WWOX: variants seen among roughly 807,000 people sequenced by gnomAD.
WWOX encodes the protein WW domain containing oxidoreductase, also known as WW domain-containing oxidoreductase.
WWOX carries 69 observed loss-of-function variants against 46.2 expected under a neutral mutation model. The ratio of observed to expected loss-of-function variants is 1.49; its 90% CI spans 1.23 to 1.82. WWOX has a LOEUF of 1.82. Among genes scored for constraint, WWOX ranks in the 40% most tolerant of loss-of-function variants. The pLI is 0.00. For missense variants in WWOX, 919 were observed against 542.6 expected, an observed-to-expected ratio of 1.69 and a Z score of -6.89; for synonymous variants, 359 against 202.6, an observed-to-expected ratio of 1.77 and a Z score of -6.56.
In WWOX at chr16:78,932,834, A is replaced by T. The variant is rs184389238; in HGVS notation, c.1057-278774A>T. Among the ~76,000 whole-genome samples, 225 of 152,322 alleles carry T rather than the reference A, an allele frequency of 1.5e-3. 4 individuals are homozygous for T. The highest frequency in any genetic ancestry group is 5.2e-3 in the African/African-American group (217 of 41,588). On this transcript the variant is annotated intron_variant, in intron 8 of 8. Transcript: ENST00000566780. ...GAACAAACAGACAAGGTGAGGAGCA[A>T]GGAGGCATTTGGAGGTCATCTGGCC...
intron 3 of WWOX, among the ~76,000 whole-genome samples, chr16:78,110,801 G>C (rs189375922): frequency 3.9e-5 from 6 of 152,246 alleles, no homozygotes; most frequent in African/African-American, 1.4e-4. Flanking sequence ...GACTTGAGGG[G>C]GTAAGTGACT....
intron 1 of WWOX, chr16:78,100,138 G>C (rs1265385418): frequency 2.3e-6 from 3 of 1,327,930 alleles, no homozygotes; most frequent in Non-Finnish European, 2.9e-6. Flanking sequence ...AGCACTGCGC[G>C]GCGCGGCGAG....
At chr16:79,018,287 G>C (rs1240916128) in intron 8 of WWOX, among the ~76,000 whole-genome samples, 2 of 152,174 alleles carry the variant, frequency 1.3e-5, no homozygotes, top group African/African-American at 4.8e-5. Flanking sequence ...CATTGTAATG[G>C]TGTAAATTAT....
chr16:78,893,225 C>G (rs1276286146), intron 8 of WWOX, among the ~76,000 whole-genome samples: 1 of 151,984 alleles, frequency 6.6e-6, no homozygotes, highest in African/African-American at 2.4e-5. Flanking sequence ...CCCCTCTTGA[C>G]CATCTTATGC....
At chr16:78,757,197 G>A (rs546222081) in intron 8 of WWOX, among the ~76,000 whole-genome samples, 1 of 152,192 alleles carries the variant, frequency 6.6e-6, no homozygotes, top group South Asian at 2.1e-4. Context: ...GTTAATTATT[G>A]TTTCAGCCCA....
At chr16:79,124,385 A>T (rs1350620843) in intron 8 of WWOX, among the ~76,000 whole-genome samples, 1 of 152,140 alleles carries the variant, frequency 6.6e-6, no homozygotes, top group African/African-American at 2.4e-5. Context: ...AACCATAGAG[A>T]AGTATAAGTA....
intron 4 of WWOX, among the ~76,000 whole-genome samples, chr16:78,156,938 C>G (rs2151727609): frequency 6.6e-6 from 1 of 152,256 alleles, no homozygotes; most frequent in Non-Finnish European, 1.5e-5. Context: ...CTCAGTCAGT[C>G]AATCAGTCAA....
rs964750174 is a variant in WWOX at position 78,340,338 on chromosome 16, A to T, written c.517-46522A>T. Among the ~76,000 whole-genome samples the T allele has an allele frequency of 1.0e-4, 12 of 117,532 alleles. No homozygotes were observed. In the East Asian group the frequency reaches 2.3e-3, roughly 23 times the overall value. The allele number at this position is 117,532 out of a possible 152,430, so 77.1% of individuals were successfully genotyped here. A position where few individuals can be genotyped will look rare whatever the true frequency, so the allele number is the denominator to read the frequency against. On this transcript the variant is annotated intron_variant, in intron 5 of 8. Transcript: ENST00000566780. ...TAGCCTCCCAAGTCGCTGGGACTAC[A>T]TGTGCGTGTCACCAAGCCGAACTAA...
intron 8 of WWOX, among the ~76,000 whole-genome samples, chr16:78,845,643 A>G (rs1173108441): frequency 6.6e-6 from 1 of 152,246 alleles, no homozygotes; most frequent in Admixed American, 6.5e-5. Context: ...AAGGCAAAAA[A>G]TAACTCCAAG....
At chr16:78,290,367 G>A (rs1250040630) in intron 5 of WWOX, among the ~76,000 whole-genome samples, 1 of 130,826 alleles carries the variant, frequency 7.6e-6, no homozygotes, top group East Asian at 2.4e-4. Flanking sequence ...GAAACATAGA[G>A]TTGTTTCCTG....
chr16:79,033,280 T>TTA (rs927147435), intron 8 of WWOX, among the ~76,000 whole-genome samples: 56 of 147,650 alleles, frequency 3.8e-4, no homozygotes, highest in African/African-American at 5.9e-4. Flanking sequence ...CACCAAATAT[T>TTA]TATATATATA....
chr16:79,081,001 C>T (rs919503621), intron 8 of WWOX, among the ~76,000 whole-genome samples: 1 of 152,112 alleles, frequency 6.6e-6, no homozygotes, highest in Non-Finnish European at 1.5e-5. Flanking sequence ...CACACACACG[C>T]ACATGCACAC....
intron 5 of WWOX, among the ~76,000 whole-genome samples, chr16:78,327,835 G>C (rs1048469209): frequency 1.0e-4 from 15 of 147,918 alleles, no homozygotes; most frequent in Admixed American, 3.4e-4. Flanking sequence ...TGGAAAGCAA[G>C]ACATTAGGAA....
intron 8 of WWOX, among the ~76,000 whole-genome samples, chr16:78,914,431 A>C (rs2045193298): frequency 6.6e-6 from 1 of 152,054 alleles, no homozygotes; most frequent in Non-Finnish European, 1.5e-5. Flanking sequence ...TTGCAGCTTG[A>C]ACGCTGTACT....
At chr16:78,211,840 G>A (rs1401082253) in intron 5 of WWOX, among the ~76,000 whole-genome samples, 1 of 152,174 alleles carries the variant, frequency 6.6e-6, no homozygotes, top group Non-Finnish European at 1.5e-5. Flanking sequence ...ACCAGTGGGA[G>A]GGACCAGAAT....
intron 5 of WWOX, among the ~76,000 whole-genome samples, chr16:78,204,443 T>C (rs572458978): frequency 1.3e-5 from 2 of 152,316 alleles, no homozygotes; most frequent in Admixed American, 1.3e-4. Flanking sequence ...TATAAAAATG[T>C]ACAGTTTAAG....
At chr16:79,030,042 G>T (rs1248434458) in intron 8 of WWOX, among the ~76,000 whole-genome samples, 1 of 152,072 alleles carries the variant, frequency 6.6e-6, no homozygotes, top group East Asian at 1.9e-4. Context: ...ATAAAGAATG[G>T]TTTCTGACAT....
chr16:78,874,790 G>GAGTTAT (rs2044202613), intron 8 of WWOX, among the ~76,000 whole-genome samples: 1 of 145,180 alleles, frequency 6.9e-6, no homozygotes, highest in South Asian at 2.2e-4. Context: ...TCCTACACAG[G>GAGTTAT]CCTTCTACAT....
intron 5 of WWOX, among the ~76,000 whole-genome samples, chr16:78,361,114 C>T (rs2081401623): frequency 6.6e-6 from 1 of 152,182 alleles, no homozygotes; most frequent in Admixed American, 6.5e-5. Context: ...TGAGCCACTG[C>T]ACCTGGCTTG....
Sources: gnomAD v4.1 joint callset for allele counts (sites outside exome capture counted in the v4.1 genomes callset) on GRCh38, gnomAD v4.1.1 for gene constraint, MANE v1.5 for transcripts, NCBI Gene and HGNC (gene_info 2026-07-23, HGNC 2026-07-21) for gene names.